The following DLGAP1 variants were observed in gnomAD, a reference collection of about 807,000 sequenced individuals.
The protein encoded by DLGAP1 is disks large-associated protein 1.
DLGAP1 carries 11 observed loss-of-function variants against 90.8 expected under a neutral mutation model. The ratio of observed to expected loss-of-function variants is 0.12; its 90% CI spans 0.08 to 0.20. DLGAP1 has a LOEUF of 0.20. DLGAP1 is among the 10% of genes least tolerant of loss of function. The probability of loss-of-function intolerance (pLI) is 1.00; values close to 1 mark genes in which losing one functional copy is unlikely to be tolerated. For synonymous variants in DLGAP1, 558 were observed against 540.7 expected, an observed-to-expected ratio of 1.03 and a Z score of -0.44; for missense variants, 1,050 against 1,333.8, an observed-to-expected ratio of 0.79 and a Z score of 3.31.
At chr18:3,569,833 T>C (rs778617336) in intron 8 of DLGAP1, among the ~76,000 whole-genome samples, 18 of 152,010 alleles carry the variant, frequency 1.2e-4, no homozygotes, top group Non-Finnish European at 2.4e-4. Flanking sequence ...CATATAGGCA[T>C]TCTCATATAC....
intron 1 of DLGAP1, among the ~76,000 whole-genome samples, chr18:4,169,711 G>A (rs972555367): frequency 6.6e-6 from 1 of 152,150 alleles, no homozygotes; most frequent in African/African-American, 2.4e-5. Flanking sequence ...CATCTTTAAC[G>A]TTCTACTTGT....
At chr18:3,910,647 C>T (rs1370481774) in intron 3 of DLGAP1, among the ~76,000 whole-genome samples, 3 of 152,082 alleles carry the variant, frequency 2.0e-5, no homozygotes, top group Non-Finnish European at 2.9e-5. Context: ...GCAAAATTGG[C>T]GATTCGGAAT....
intron 1 of DLGAP1, among the ~76,000 whole-genome samples, chr18:4,229,668 A>T (rs2078260867): frequency 6.6e-6 from 1 of 152,076 alleles, no homozygotes; most frequent in Non-Finnish European, 1.5e-5. Flanking sequence ...ATATTAAGAA[A>T]AGCAAAATGG....
At chr18:3,776,144 C>T (rs3786444) in intron 5 of DLGAP1, among the ~76,000 whole-genome samples, 78,982 of 152,018 alleles carry the variant, frequency 0.52, 21,361 homozygotes, top group African/African-American at 0.68. Flanking sequence ...GTGCATTCCG[C>T]ATACGGGATC....
chr18:4,385,408 C>T (rs1035227947), intron 1 of DLGAP1, among the ~76,000 whole-genome samples: 2 of 152,136 alleles, frequency 1.3e-5, no homozygotes, highest in Non-Finnish European at 1.5e-5. Flanking sequence ...TGGGTCAAAA[C>T]GGCATTAGAT....
intron 1 of DLGAP1, among the ~76,000 whole-genome samples, chr18:4,157,546 T>C (rs1483067947): frequency 3.3e-5 from 5 of 152,202 alleles, no homozygotes; most frequent in Admixed American, 1.3e-4. Flanking sequence ...GTGTGACTCA[T>C]GCAGCTTCAG....
At chr18:3,933,957 TG>T (rs2072576972) in intron 3 of DLGAP1, among the ~76,000 whole-genome samples, 1 of 152,150 alleles carries the variant, frequency 6.6e-6, no homozygotes, top group South Asian at 2.1e-4. Flanking sequence ...GTGCCGAGTC[TG>T]GGGTCACTCG....
intron 4 of DLGAP1, among the ~76,000 whole-genome samples, chr18:3,841,411 A>C (rs1302005691): frequency 3.9e-5 from 6 of 152,244 alleles, no homozygotes; most frequent in Admixed American, 1.3e-4. Context: ...AAATACACTC[A>C]GGGCTGACTA....
intron 1 of DLGAP1, among the ~76,000 whole-genome samples, chr18:4,284,135 A>G (rs533968336): frequency 2.2e-4 from 34 of 151,270 alleles, no homozygotes; most frequent in Admixed American, 2.1e-3. Context: ...TTATAGGTGC[A>G]CTATGATCCA....
intron 3 of DLGAP1, among the ~76,000 whole-genome samples, chr18:3,930,098 T>A (rs2072483127): frequency 6.6e-6 from 1 of 152,222 alleles, no homozygotes; most frequent in Non-Finnish European, 1.5e-5. Flanking sequence ...CAATTCAATG[T>A]GTGGGGAAAT....
chr18:4,331,008 G>A lies in DLGAP1; in HGVS notation c.-267+123998C>T, dbSNP rs1483863938. Among the ~76,000 whole-genome samples, 2 of 151,778 alleles carry A rather than the reference G, an allele frequency of 1.3e-5. 1 individual carries two copies. Among genetic ancestry groups the A allele is most frequent in the African/African-American group, 4.9e-5 (2 of 41,120 alleles). On this transcript the variant is annotated intron_variant, in intron 1 of 12. Coordinates refer to ENST00000315677, the MANE Select transcript of DLGAP1 (RefSeq NM_004746.4). ...TCTATCAAGTTTTGCTTCTTATGAT[G>A]TGAGGCTCTGTCATTAGGTGCAGAA...
intron 2 of DLGAP1, among the ~76,000 whole-genome samples, chr18:4,132,483 C>T (rs918342262): frequency 6.6e-6 from 1 of 152,142 alleles, no homozygotes; most frequent in African/African-American, 2.4e-5. Context: ...CTTAACCTTT[C>T]TGTGTCTTTC....
chr18:4,101,916 A>T (rs2075784667), intron 2 of DLGAP1, among the ~76,000 whole-genome samples: 1 of 151,988 alleles, frequency 6.6e-6, no homozygotes, highest in Non-Finnish European at 1.5e-5. Flanking sequence ...TGTATAATGC[A>T]TATATGTATG....
intron 7 of DLGAP1, among the ~76,000 whole-genome samples, chr18:3,610,216 G>T (rs1463931528): frequency 6.6e-6 from 1 of 152,078 alleles, no homozygotes; most frequent in Admixed American, 6.5e-5. Flanking sequence ...TGTTCAGAGG[G>T]CCCACAGGCA....
rs75551403 is a variant in DLGAP1, at chr18:4,052,531, T to C, written c.-158-47330A>G. Among the ~76,000 whole-genome samples the C allele has an allele frequency of 7.8e-3, 1,183 of 152,200 alleles. 8 individuals are homozygous for C. Among genetic ancestry groups the C allele is most frequent in the Non-Finnish European group, 0.011 (754 of 68,004 alleles). Reference sequence around the variant, plus strand: ...AGCATGGGGGGCCCTGGACCCAGCCTGCAAAACCATTTTTCTCTCCTAGTC... The same window carrying C: ...AGCATGGGGGGCCCTGGACCCAGCCCGCAAAACCATTTTTCTCTCCTAGTC... On this transcript the variant is annotated intron_variant, in intron 2 of 12. Transcript: ENST00000315677.
At chr18:3,912,059 G>A (rs1416992732) in intron 3 of DLGAP1, among the ~76,000 whole-genome samples, 1 of 152,156 alleles carries the variant, frequency 6.6e-6, no homozygotes, top group Non-Finnish European at 1.5e-5. Context: ...TTTTGAAACT[G>A]CTGATGTATG....
At chr18:3,626,863 C>T (rs1470547664) in intron 7 of DLGAP1, among the ~76,000 whole-genome samples, 1 of 151,880 alleles carries the variant, frequency 6.6e-6, no homozygotes, top group Non-Finnish European at 1.5e-5. Context: ...CACGCCACTG[C>T]ACTCCAGCCT....
intron 1 of DLGAP1, among the ~76,000 whole-genome samples, chr18:4,345,244 C>A (rs1318365298): frequency 6.6e-6 from 1 of 152,116 alleles, no homozygotes; most frequent in African/African-American, 2.4e-5. Context: ...CAAGGATTCC[C>A]TACACTAACT....
chr18:3,835,639 C>T (rs1305092631), intron 4 of DLGAP1, among the ~76,000 whole-genome samples: 1 of 143,318 alleles, frequency 7.0e-6, no homozygotes, highest in Non-Finnish European at 1.5e-5. Flanking sequence ...CAGAGCAAGG[C>T]TCCGTCTCAA....
Sources: gnomAD v4.1 joint callset for allele counts (sites outside exome capture counted in the v4.1 genomes callset) on GRCh38, gnomAD v4.1.1 for gene constraint, MANE v1.5 for transcripts, NCBI Gene and HGNC (gene_info 2026-07-23, HGNC 2026-07-21) for gene names.